Variants in CNBD1 observed in about 807,000 individuals in gnomAD.
The protein encoded by CNBD1 is cyclic nucleotide binding domain containing 1.
In CNBD1, 71 loss-of-function variants were observed where a neutral mutation model predicts 54.4. That is an observed-to-expected ratio of 1.30 (90% confidence interval 1.08 to 1.59). CNBD1 has a LOEUF of 1.59. CNBD1 is among the 40% of genes most tolerant of loss of function. CNBD1 has a pLI of 0.00. For missense variants in CNBD1, 659 were observed against 518.0 expected (o/e 1.27, Z -2.64); for synonymous variants, 182 against 170.7 (o/e 1.07, Z -0.51).
intron 6 of CNBD1, among the ~76,000 whole-genome samples, chr8:87,280,357 T>G (rs900990604): frequency 6.6e-6 from 1 of 151,534 alleles, no homozygotes; most frequent in Non-Finnish European, 1.5e-5. Flanking sequence ...AGAATATAAT[T>G]AAAGCTAATA....
intron 4 of CNBD1, among the ~76,000 whole-genome samples, chr8:86,977,491 G>C (rs998383205): frequency 6.6e-6 from 1 of 152,002 alleles, no homozygotes; most frequent in African/African-American, 2.4e-5. Flanking sequence ...AACTAGGTTA[G>C]CTAAGAAGCA....
intron 10 of CNBD1, among the ~76,000 whole-genome samples, chr8:87,382,161 C>A (rs1297411317): frequency 6.6e-6 from 1 of 151,584 alleles, no homozygotes. Flanking sequence ...TCACCTTTTC[C>A]AAAATGTTCA....
Position 87,237,110 on chromosome 8 carries a change from A to C in CNBD1, c.769A>C (p.Met257Leu). The change falls in exon 6 of 11, where the codon ATG becomes CTG. Residue 257 changes from methionine (M) to leucine (L), a missense_variant and splice_region_variant. Physicochemically the swap from Met to Leu is conservative, Grantham distance 15. Transcript: ENST00000518476. ...GATGTACCTACCTTCATATGACTCAATGGTAAGAGATGAGTATTTGCTTTT... is the reference window on the plus strand; with the variant it reads ...GATGTACCTACCTTCATATGACTCACTGGTAAGAGATGAGTATTTGCTTTT... ...AEMYLPSYDS[M>L]LSKWSTFGTL... 3 of 1,582,136 alleles carry C rather than the reference A, an allele frequency of 1.9e-6. No homozygotes were observed. Among genetic ancestry groups the C allele is most frequent in the Non-Finnish European group, 2.6e-6 (3 of 1,160,132 alleles).
In CNBD1 at chr8:87,142,905, G is replaced by A. The variant is rs148371111; in HGVS notation, c.432-63088G>A. 2.6e-5 allele frequency among the ~76,000 whole-genome samples: 4 copies of A among 152,144 alleles called. No homozygotes were observed. In the East Asian group the frequency reaches 7.7e-4, roughly 29 times the overall value. Reference sequence around the variant, plus strand: ...CTGTGTATGCATTCATTCAACAAATGTTGAGTTTCTGTTAGGTAGCAGACA... The same window carrying A: ...CTGTGTATGCATTCATTCAACAAATATTGAGTTTCTGTTAGGTAGCAGACA... On this transcript the variant is annotated intron_variant, in intron 4 of 10. Transcript: ENST00000518476.
chr8:86,971,148 T>C (rs541218541), intron 4 of CNBD1, among the ~76,000 whole-genome samples: 2 of 152,112 alleles, frequency 1.3e-5, no homozygotes, highest in Non-Finnish European at 2.9e-5. Context: ...ATAAAGAAAA[T>C]AGGTTTAATT....
intron 4 of CNBD1, among the ~76,000 whole-genome samples, chr8:87,040,603 T>G (rs1040155456): frequency 2.0e-5 from 3 of 151,616 alleles, no homozygotes; most frequent in Admixed American, 6.6e-5. Flanking sequence ...TTTTTGTATT[T>G]TTAGTAGAGA....
At chr8:87,329,223 A>G (rs1431284489) in intron 8 of CNBD1, among the ~76,000 whole-genome samples, 31 of 152,066 alleles carry the variant, frequency 2.0e-4, no homozygotes, top group Admixed American at 2.0e-3. Flanking sequence ...TCAGTTGACT[A>G]TTTTTATGTG....
At chr8:87,370,474 C>T (rs1810756876) in intron 10 of CNBD1, among the ~76,000 whole-genome samples, 3 of 152,114 alleles carry the variant, frequency 2.0e-5, no homozygotes, top group Admixed American at 1.3e-4. Flanking sequence ...TCTCTGATGG[C>T]CAGTGATGGT....
intron 8 of CNBD1, among the ~76,000 whole-genome samples, chr8:87,323,137 G>A (rs1469397289): frequency 2.6e-4 from 33 of 124,932 alleles, no homozygotes; most frequent in Admixed American, 6.3e-4. Context: ...TTATTTCTGA[G>A]GGCTCTGTTC....
intron 4 of CNBD1, among the ~76,000 whole-genome samples, chr8:87,088,032 A>C (rs1811136787): frequency 6.6e-6 from 1 of 152,198 alleles, no homozygotes. Flanking sequence ...GTCATTTGTC[A>C]CCATAGAATA....
At chr8:86,957,357 G>T (rs58606544) in intron 4 of CNBD1, among the ~76,000 whole-genome samples, 4,045 of 152,264 alleles carry the variant, frequency 0.027, 190 homozygotes, top group African/African-American at 0.093. Flanking sequence ...ATGAGTTAGG[G>T]AGGATTCCCT....
intron 8 of CNBD1, among the ~76,000 whole-genome samples, chr8:87,331,367 C>G (rs1809826928): frequency 6.6e-6 from 1 of 152,306 alleles, no homozygotes; most frequent in South Asian, 2.1e-4. Flanking sequence ...CCAGTTTCAT[C>G]AAAGTCCCTG....
chr8:87,159,466 C>T (rs1364013882), intron 4 of CNBD1, among the ~76,000 whole-genome samples: 3 of 151,988 alleles, frequency 2.0e-5, no homozygotes, highest in Admixed American at 6.6e-5. Flanking sequence ...AGAGCTCTTG[C>T]GATAGCTCCT....
intron 4 of CNBD1, among the ~76,000 whole-genome samples, chr8:86,950,445 T>C (rs1475307389): frequency 6.6e-6 from 1 of 152,134 alleles, no homozygotes; most frequent in Non-Finnish European, 1.5e-5. Context: ...ATGTATCACA[T>C]TGATTGATTT....
In CNBD1 at chr8:87,051,213, T is replaced by C. The variant is rs1211032253; in HGVS notation, c.431+111459T>C. Among the ~76,000 whole-genome samples the C allele has an allele frequency of 4.6e-5, 7 of 152,152 alleles. No individual in the cohort carries two copies. The South Asian group carries it at 1.2e-3, about 27-fold the overall frequency. On this transcript the variant is annotated intron_variant, in intron 4 of 10. Coordinates refer to ENST00000518476, the MANE Select transcript of CNBD1 (RefSeq NM_173538.3). ...GTTAAGGGCTTCCCTGAGATGTCCATCACAGTCATGCTAGGGGAGGAGGGA... is the reference window on the plus strand; with the variant it reads ...GTTAAGGGCTTCCCTGAGATGTCCACCACAGTCATGCTAGGGGAGGAGGGA...
intron 4 of CNBD1, among the ~76,000 whole-genome samples, chr8:86,973,714 G>T (rs1184628709): frequency 6.6e-6 from 1 of 152,106 alleles, no homozygotes. Flanking sequence ...TGTACTACCA[G>T]GTGGAATTCC....
chr8:87,274,845 A>G (rs1262976547), intron 6 of CNBD1, among the ~76,000 whole-genome samples: 1 of 134,668 alleles, frequency 7.4e-6, no homozygotes, highest in Admixed American at 7.1e-5. Context: ...GTCCTTGCCC[A>G]TGCCTATGTC....
At chr8:87,070,662 G>A (rs929799371) in intron 4 of CNBD1, among the ~76,000 whole-genome samples, 1 of 151,964 alleles carries the variant, frequency 6.6e-6, no homozygotes, top group Admixed American at 6.6e-5. Context: ...TGTTTTTGGA[G>A]GATTAGTTTA....
intron 4 of CNBD1, among the ~76,000 whole-genome samples, chr8:86,972,983 A>G (rs900391270): frequency 1.3e-5 from 2 of 151,978 alleles, no homozygotes; most frequent in Admixed American, 6.5e-5. Context: ...ACCACTTCCT[A>G]TTTACTTTTG....
Sources: allele counts gnomAD v4.1 joint callset (sites outside exome capture counted in the v4.1 genomes callset), GRCh38; gene constraint gnomAD v4.1.1; transcripts MANE v1.5; gene names NCBI Gene and HGNC (gene_info 2026-07-23, HGNC 2026-07-21).